ANK2: variants seen among roughly 807,000 people sequenced by gnomAD.
ANK2 encodes ankyrin-2.
Under a neutral mutation model 360.5 loss-of-function variants are expected in ANK2, and 83 were observed. That is an observed-to-expected ratio of 0.23 (90% CI 0.19 to 0.28). The LOEUF (loss-of-function observed/expected upper bound fraction) is 0.28. ANK2 is among the 10% of genes least tolerant of loss of function. ANK2 has a pLI of 1.00. For synonymous variants in ANK2, 1,740 were observed against 1,759.5 expected (o/e 0.99, Z 0.28); for missense variants, 4,201 against 4,795.7 (o/e 0.88, Z 3.66).
chr4:113,091,384 T>G (rs2088012831), intron 1 of ANK2, among the ~76,000 whole-genome samples: 1 of 152,212 alleles, frequency 6.6e-6, no homozygotes. Flanking sequence ...TTGATCAAAT[T>G]TTGGATTGGC....
At chr4:113,362,971 T>A (rs2096307734) in intron 39 of ANK2, among the ~76,000 whole-genome samples, 1 of 152,188 alleles carries the variant, frequency 6.6e-6, no homozygotes, top group African/African-American at 2.4e-5. Flanking sequence ...AGGGAGAAAC[T>A]TTTTTTCTTT....
chr4:113,376,122 A>G (rs1454986962), intron 45 of ANK2, among the ~76,000 whole-genome samples: 1 of 152,234 alleles, frequency 6.6e-6, no homozygotes, highest in Non-Finnish European at 1.5e-5. Flanking sequence ...CACTAGGCAT[A>G]AGTGGGTTTT....
In ANK2 at chr4:113,178,270, A is replaced by C. The variant is rs189169982; in HGVS notation, c.186+3753A>C. Among the ~76,000 whole-genome samples, 422 of 152,032 alleles carry C rather than the reference A, an allele frequency of 2.8e-3. 1 individual carries two copies. Among genetic ancestry groups the C allele is most frequent in the Non-Finnish European group, 4.8e-3 (326 of 67,952 alleles). ...GAGTAAGACCCTGTCTCTTAAAAAA[A>C]TAAATAAATAAAACAGGCCAGGCGC... On this transcript the variant is annotated intron_variant, in intron 2 of 45. Transcript: ENST00000357077.
chr4:113,365,201 A>ATGTG lies in ANK2; in HGVS notation c.11032+47_11032+50dup, dbSNP rs34201791. 0.035 allele frequency: 49,515 copies of ATGTG among 1,411,810 alleles called. 183 individuals carry two copies. The highest frequency in any genetic ancestry group is 0.091 in the Middle Eastern group (504 of 5,540). 87.5% of individuals were successfully genotyped at this position (1,411,810 alleles called of 1,614,324 possible). A position where few individuals can be genotyped will look rare whatever the true frequency, so the allele number is the denominator to read the frequency against. On this transcript the variant is annotated intron_variant, in intron 41 of 45. Coordinates refer to ENST00000357077, the MANE Select transcript of ANK2 (RefSeq NM_001148.6). ...AGTGAAGGTCAAACTGTGTGTGTGT[A>ATGTG]TGTGTGTGTGTGTGTGTGTGTGTGT... is the stretch of plus-strand genomic sequence containing the variant.
intron 2 of ANK2, among the ~76,000 whole-genome samples, chr4:112,966,250 C>T (rs1259546686): frequency 6.6e-5 from 10 of 151,424 alleles, no homozygotes; most frequent in Admixed American, 6.6e-5. Context: ...TTCTAACACT[C>T]GTAAAAGATT....
At chr4:113,201,904 C>T (rs75667337) in intron 4 of ANK2, among the ~76,000 whole-genome samples, 9,099 of 152,044 alleles carry the variant, frequency 0.06, 850 homozygotes, top group African/African-American at 0.2. Context: ...ATTATTAAGA[C>T]GTTAAAATAA....
chr4:113,131,728 A>G (rs545697296), intron 1 of ANK2, among the ~76,000 whole-genome samples: 84 of 152,334 alleles, frequency 5.5e-4, no homozygotes, highest in South Asian at 4.8e-3. Context: ...AACAAGCAGT[A>G]TATTGTAACT....
chr4:112,725,948 G>A, the ANK2 span, among the ~76,000 whole-genome samples: 2 of 152,032 alleles, frequency 1.3e-5, no homozygotes, highest in African/African-American at 2.4e-5. Flanking sequence ...AAAATATCAG[G>A]TAGTAAGAAG....
rs565511111 is a variant in ANK2, at chr4:113,382,611, A to T, written c.*1140A>T. ...ACATAAAAGGTTAAACTCCTTCAGT[A>T]TGTTGGAGTGGTTTCTTTTTTTTTT... On this transcript the variant is annotated 3_prime_UTR_variant, in exon 46 of 46. Transcript: ENST00000357077. The T allele has an allele frequency of 2.6e-5, 4 of 152,452 alleles. No individual in the cohort carries two copies. The highest frequency in any genetic ancestry group is 6.5e-5 in the Admixed American group (1 of 15,290). 9.4% of individuals were successfully genotyped at this position (152,452 alleles called of 1,614,324 possible).
chr4:113,298,961 A>G (rs2073455495), intron 22 of ANK2, among the ~76,000 whole-genome samples: 1 of 152,230 alleles, frequency 6.6e-6, no homozygotes, highest in Non-Finnish European at 1.5e-5. Context: ...ATATTTAATG[A>G]TGGCCTTCTA....
At chr4:113,272,050 C>T (rs760966182) in intron 14 of ANK2, among the ~76,000 whole-genome samples, 10 of 152,224 alleles carry the variant, frequency 6.6e-5, no homozygotes, top group Non-Finnish European at 1.5e-4. Context: ...TAGGCTTAAA[C>T]TCACTTGAAA....
chr4:113,045,640 G>C (rs1455033280), upstream of ANK2, among the ~76,000 whole-genome samples: 1 of 152,096 alleles, frequency 6.6e-6, no homozygotes, highest in South Asian at 2.1e-4. Context: ...TTATATCAAC[G>C]AGAACAACAA....
At chr4:112,991,022 C>T (rs979062635) in intron 2 of ANK2, among the ~76,000 whole-genome samples, 1 of 152,024 alleles carries the variant, frequency 6.6e-6, no homozygotes, top group Non-Finnish European at 1.5e-5. Flanking sequence ...GAGGCCAAGG[C>T]GGGTGCATCA....
At position 113,356,094 on chromosome 4, in the gene ANK2, T is replaced by G; in HGVS notation, c.7476T>G (p.Ala2492=). The part of the protein sequence containing the change: ...IFPSHFPLPA[A]VAKTELLTEV... ...CAAGTCACTTTCCTCTTCCTGCAGC[T>G]GTTGCCAAAACAGAACTCTTGACGG... The change falls in exon 38 of 46, where the codon GCT becomes GCG. Residue 2492 remains alanine (A), a synonymous_variant. Transcript: ENST00000357077. 1.9e-6 allele frequency: 3 copies of G among 1,614,132 alleles called. No homozygotes were observed. Among genetic ancestry groups the G allele is most frequent in the Non-Finnish European group, 8.5e-7 (1 of 1,179,998 alleles).
chr4:112,956,334 C>A (rs1253067311), intron 2 of ANK2, among the ~76,000 whole-genome samples: 3 of 152,174 alleles, frequency 2.0e-5, no homozygotes, highest in African/African-American at 4.8e-5. Context: ...TTAGCAATCT[C>A]AGCATATGAT....
At chr4:112,863,768 C>T (rs1038268876) in intron 1 of ANK2, among the ~76,000 whole-genome samples, 8 of 151,916 alleles carry the variant, frequency 5.3e-5, no homozygotes, top group Admixed American at 3.9e-4. Context: ...GTGATCCTCC[C>T]GCCTCGGCCT....
At chr4:113,360,327 C>A (rs1052364880) in intron 38 of ANK2, among the ~76,000 whole-genome samples, 1 of 152,178 alleles carries the variant, frequency 6.6e-6, no homozygotes, top group Non-Finnish European at 1.5e-5. Context: ...TCTGGCCACA[C>A]TAATCAGGAT....
intron 26 of ANK2, among the ~76,000 whole-genome samples, chr4:113,327,230 A>G (rs1432964609): frequency 6.6e-6 from 1 of 152,156 alleles, no homozygotes; most frequent in African/African-American, 2.4e-5. Flanking sequence ...TTCTATTAAA[A>G]TGGTTTATTT....
At chr4:113,079,882 G>A (rs189336381) in intron 1 of ANK2, among the ~76,000 whole-genome samples, 52 of 146,726 alleles carry the variant, frequency 3.5e-4, no homozygotes, top group Non-Finnish European at 5.8e-4. Flanking sequence ...AAGTGAACCT[G>A]TTATCACCCT....
Sources: allele counts gnomAD v4.1 joint callset (sites outside exome capture counted in the v4.1 genomes callset), GRCh38; gene constraint gnomAD v4.1.1; transcripts MANE v1.5; gene names NCBI Gene and HGNC (gene_info 2026-07-23, HGNC 2026-07-21).